CCDC91: variants seen among roughly 807,000 people sequenced by gnomAD.
CCDC91 encodes the protein coiled-coil domain containing 91, also known as coiled-coil domain-containing protein 91.
Under a neutral mutation model 63.2 loss-of-function variants are expected in CCDC91, and 48 were observed. That is an observed-to-expected ratio of 0.76 (90% CI 0.60 to 0.97). CCDC91 has a LOEUF of 0.97. Ranked by LOEUF, CCDC91 falls within the 50% of genes least tolerant of loss-of-function variation. The pLI is 0.00. For synonymous variants in CCDC91, 167 were observed against 165.8 expected (o/e 1.01, Z -0.06); for missense variants, 500 against 494.6 (o/e 1.01, Z -0.10).
Position 28,305,655 on chromosome 12 carries a change from G to A in CCDC91, c.116G>A (p.Gly39Glu), listed in dbSNP as rs995936208. ...TGTTGTTGTTTTTCTTTAGTATCTG[G>A]AGTCCATCTTTCACCATCTTCTCCT... is the stretch of plus-strand genomic sequence containing the variant. ...IPWAAFPAVS[G>E]VHLSPSSPEI... The change falls in exon 4 of 13, where the codon GGA (glycine) becomes GAA (glutamate). Residue 39 changes from glycine (G) to glutamate (E), a missense_variant. Gly to Glu is a moderately conservative substitution (Grantham distance 98, BLOSUM62 -2). Coordinates refer to ENST00000536442, the MANE Select transcript of CCDC91 (RefSeq NM_018318.5). The A allele has an allele frequency of 3.7e-6, 6 of 1,608,190 alleles. No individual in the cohort carries two copies. In the African/African-American group the frequency reaches 4.0e-5, roughly 11 times the overall value.
At chr12:28,299,280 A>AT (rs562291602) in intron 3 of CCDC91, among the ~76,000 whole-genome samples, 13 of 151,676 alleles carry the variant, frequency 8.6e-5, no homozygotes, top group African/African-American at 3.1e-4. Flanking sequence ...AAAGGTTAAC[A>AT]TTTTACCACA....
At chr12:28,324,196 T>G (rs1940775641) in intron 6 of CCDC91, among the ~76,000 whole-genome samples, 1 of 151,702 alleles carries the variant, frequency 6.6e-6, no homozygotes, top group African/African-American at 2.4e-5. Context: ...AAATGTAACT[T>G]GGGGGTGAGA....
At chr12:28,389,527 T>C (rs1057233743) in intron 7 of CCDC91, among the ~76,000 whole-genome samples, 3 of 152,100 alleles carry the variant, frequency 2.0e-5, no homozygotes, top group African/African-American at 7.2e-5. Context: ...AATCAACCCC[T>C]AGAGGAAGAC....
chr12:28,201,035 C>T (rs1942230778), intron 1 of CCDC91, among the ~76,000 whole-genome samples: 1 of 133,102 alleles, frequency 7.5e-6, no homozygotes, highest in Non-Finnish European at 1.6e-5. Context: ...GATGGGGCGG[C>T]TGGCCGGGCA....
At chr12:28,429,918 G>C (rs1948538739) in intron 8 of CCDC91, among the ~76,000 whole-genome samples, 1 of 151,940 alleles carries the variant, frequency 6.6e-6, no homozygotes, top group Non-Finnish European at 1.5e-5. Flanking sequence ...GAACTATCAA[G>C]TAGAATCTTT....
intron 6 of CCDC91, 59 bp from the exon 7 acceptor site, chr12:28,362,376 TTTA>T: frequency 8.3e-7 from 1 of 1,211,552 alleles, no homozygotes; most frequent in South Asian, 1.4e-5. Flanking sequence ...AGTCTATGGT[TTTA>T]TTATTTTGAA....
In CCDC91 at chr12:28,407,943, GATATATAC is replaced by G. The variant is rs1400816101; in HGVS notation, c.762+16540_762+16547del. 2.1e-4 allele frequency among the ~76,000 whole-genome samples: 8 copies of G among 37,468 alleles called. 1 individual carries two copies. The East Asian group carries it at 7.7e-3, about 36-fold the overall frequency. The allele number at this position is 37,468 out of a possible 152,430, so 24.6% of individuals were successfully genotyped here. A position where few individuals can be genotyped will look rare whatever the true frequency, so the allele number is the denominator to read the frequency against. ...ACAATTGGTCTTAACCATATACATA[GATATATAC>G]ATATATATATATATTTTTTTTATTT... is the stretch of plus-strand genomic sequence containing the variant. On this transcript the variant is annotated intron_variant, in intron 8 of 12. Coordinates refer to ENST00000536442, the MANE Select transcript of CCDC91 (RefSeq NM_018318.5).
At chr12:28,302,649 G>C in intron 3 of CCDC91, 1 of 984,714 alleles carries the variant, frequency 1.0e-6, no homozygotes, top group Non-Finnish European at 1.2e-6. Context: ...GGTGTGACTG[G>C]AGTGAAGTTA....
At chr12:28,532,720 TATG>T (rs1267500981) in intron 12 of CCDC91, among the ~76,000 whole-genome samples, 1 of 152,100 alleles carries the variant, frequency 6.6e-6, no homozygotes, top group Admixed American at 6.6e-5. Flanking sequence ...CTAGGAAGCT[TATG>T]ATAAAGTTTT....
At chr12:28,542,526 A>G (rs1265066337) in intron 12 of CCDC91, among the ~76,000 whole-genome samples, 1 of 152,112 alleles carries the variant, frequency 6.6e-6, no homozygotes, top group Non-Finnish European at 1.5e-5. Flanking sequence ...ATGGAATGCG[A>G]ATGATGGCTT....
At chr12:28,309,272 C>G (rs1433768299) in intron 6 of CCDC91, among the ~76,000 whole-genome samples, 1 of 152,014 alleles carries the variant, frequency 6.6e-6, no homozygotes, top group African/African-American at 2.4e-5. Flanking sequence ...ATTTGACTCA[C>G]TGTTTATTCT....
intron 1 of CCDC91, among the ~76,000 whole-genome samples, chr12:28,237,963 C>T (rs1408564657): frequency 6.6e-6 from 1 of 152,088 alleles, no homozygotes; most frequent in Non-Finnish European, 1.5e-5. Context: ...ACAGATGAGC[C>T]CTCTTTTACT....
intron 1 of CCDC91, among the ~76,000 whole-genome samples, chr12:28,214,552 A>G (rs1943442890): frequency 1.3e-5 from 2 of 151,616 alleles, no homozygotes; most frequent in South Asian, 4.2e-4. Flanking sequence ...TGTAATTGTC[A>G]TGTGTATTTC....
At chr12:28,366,930 G>C (rs1944313792) in intron 7 of CCDC91, among the ~76,000 whole-genome samples, 1 of 152,100 alleles carries the variant, frequency 6.6e-6, no homozygotes, top group African/African-American at 2.4e-5. Context: ...CTGAGTGCTA[G>C]TAGAGGCTGA....
At chr12:28,423,825 A>G (rs1948152893) in intron 8 of CCDC91, among the ~76,000 whole-genome samples, 1 of 152,202 alleles carries the variant, frequency 6.6e-6, no homozygotes, top group Non-Finnish European at 1.5e-5. Context: ...AAGAAAAAAG[A>G]TGAGAAGAGG....
chr12:28,438,997 A>G (rs879562647), intron 8 of CCDC91, among the ~76,000 whole-genome samples: 1 of 152,180 alleles, frequency 6.6e-6, no homozygotes, highest in Non-Finnish European at 1.5e-5. Flanking sequence ...CCAAATATAG[A>G]GACATCATAT....
In CCDC91 at chr12:28,520,282, G is replaced by A. The variant is rs985489345; in HGVS notation, c.1216-28781G>A. Among the ~76,000 whole-genome samples, 11 of 152,082 alleles carry A rather than the reference G, an allele frequency of 7.2e-5. 1 individual carries two copies. The highest frequency in any genetic ancestry group is 6.8e-3 in the Middle Eastern group (2 of 294). ...GCCATTCTAACTGGTGTGAGATGGT[G>A]TCTCATTGTGGTTTTGATTTGCATT... On this transcript the variant is annotated intron_variant, in intron 12 of 12. Transcript: ENST00000536442.
chr12:28,263,089 A>C (rs1946935519), intron 3 of CCDC91, among the ~76,000 whole-genome samples: 1 of 151,818 alleles, frequency 6.6e-6, no homozygotes, highest in South Asian at 2.1e-4. Flanking sequence ...CCATCCACTT[A>C]CTTGAGTCTT....
intron 1 of CCDC91, among the ~76,000 whole-genome samples, chr12:28,212,958 GT>G (rs1393619038): frequency 1.3e-5 from 2 of 152,180 alleles, no homozygotes; most frequent in African/African-American, 4.8e-5. Flanking sequence ...TTATTTAAGA[GT>G]TTTAATAAAC....
Sources: allele counts gnomAD v4.1 joint callset (sites outside exome capture counted in the v4.1 genomes callset), GRCh38; gene constraint gnomAD v4.1.1; transcripts MANE v1.5; gene names NCBI Gene and HGNC (gene_info 2026-07-23, HGNC 2026-07-21).